The following PCDHGA10 variants were observed in gnomAD, a reference collection of about 807,000 sequenced individuals.
PCDHGA10 encodes protocadherin gamma-A10.
A neutral mutation model predicts 59.5 loss-of-function variants in PCDHGA10; 42 were observed. The ratio of observed to expected loss-of-function variants is 0.71; its 90% CI spans 0.55 to 0.91. The LOEUF (loss-of-function observed/expected upper bound fraction) is 0.91, where lower values mean the gene tolerates loss of function less well. Among genes scored for constraint, PCDHGA10 ranks in the 40% least tolerant of loss-of-function variants. The pLI is 0.00. For missense variants in PCDHGA10, 1,111 were observed against 1,198.2 expected (o/e 0.93, Z 1.07); for synonymous variants, 511 against 517.2 (o/e 0.99, Z 0.16).
chr5:141,497,892 C>T (rs2099780275), intron 2 of PCDHGA10, among the ~76,000 whole-genome samples: 1 of 152,138 alleles, frequency 6.6e-6, no homozygotes, highest in Admixed American at 6.6e-5. Flanking sequence ...AGGATCTAGT[C>T]CAGTAACTTC....
chr5:141,413,899 A>G lies in PCDHGA10; in HGVS notation c.724A>G (p.Asn242Asp). 2 of 1,613,286 alleles carry G rather than the reference A, an allele frequency of 1.2e-6. No homozygotes were observed. Among genetic ancestry groups the G allele is most frequent in the Non-Finnish European group, 1.7e-6 (2 of 1,179,874 alleles). The change falls in exon 1 of 4, where the codon AAC (asparagine) becomes GAC (aspartate). Residue 242 changes from asparagine (N) to aspartate (D), a missense_variant. Asn to Asp is a conservative substitution (Grantham distance 23, BLOSUM62 1). Coordinates refer to ENST00000398610, the MANE Select transcript of PCDHGA10 (RefSeq NM_018913.3). ...VSVTVFDANDNAPVFTLPEYR... is the reference protein window; with the variant it reads ...VSVTVFDANDDAPVFTLPEYR... ...TGTGACTGTCTTCGATGCAAATGAC[A>G]ACGCGCCGGTCTTCACCTTGCCAGA...
At chr5:141,456,306 G>C (rs937409031) in intron 1 of PCDHGA10, among the ~76,000 whole-genome samples, 1 of 152,158 alleles carries the variant, frequency 6.6e-6, no homozygotes, top group Non-Finnish European at 1.5e-5. Context: ...GAGAACAGCA[G>C]CTAGGGCTCC....
intron 1 of PCDHGA10, chr5:141,420,545 A>G: frequency 3.5e-6 from 1 of 289,066 alleles, no homozygotes; most frequent in Non-Finnish European, 6.2e-6. Flanking sequence ...TATAAAATAC[A>G]GGTATATTTT....
At chr5:141,437,104 T>C (rs539232057) in intron 1 of PCDHGA10, among the ~76,000 whole-genome samples, 1 of 152,338 alleles carries the variant, frequency 6.6e-6, no homozygotes, top group African/African-American at 2.4e-5. Flanking sequence ...GGCTTAGCTT[T>C]AGGATTTTTA....
intron 1 of PCDHGA10, among the ~76,000 whole-genome samples, chr5:141,444,162 T>A: frequency 8.4e-6 from 1 of 119,238 alleles, no homozygotes. Flanking sequence ...ATTTTTTTTT[T>A]TTTTTTTTTT....
Position 141,459,563 on chromosome 5 carries a change from C to T in PCDHGA10, c.2437-35244C>T, listed in dbSNP as rs1382676727. On this transcript the variant is annotated intron_variant, in intron 1 of 3. Coordinates refer to ENST00000398610, the MANE Select transcript of PCDHGA10 (RefSeq NM_018913.3). ...TTTTATTTCTCTTGGATAAATACCCCAAAACAGAATTGTTTTGGGGGTCAT... is the reference window on the plus strand; with the variant it reads ...TTTTATTTCTCTTGGATAAATACCCTAAAACAGAATTGTTTTGGGGGTCAT... Among the ~76,000 whole-genome samples, 21 of 152,044 alleles carry T rather than the reference C, an allele frequency of 1.4e-4. 1 individual carries two copies.
intron 1 of PCDHGA10, among the ~76,000 whole-genome samples, chr5:141,488,544 C>G (rs1225754325): frequency 6.6e-6 from 1 of 152,166 alleles, no homozygotes; most frequent in African/African-American, 2.4e-5. Flanking sequence ...AGTCCCATGT[C>G]AGCTGACATT....
In PCDHGA10 at chr5:141,413,649, C is replaced by G; in HGVS notation, c.474C>G (p.Leu158=). The G allele has an allele frequency of 6.2e-7, 1 of 1,613,836 alleles. No individual in the cohort carries two copies. Among genetic ancestry groups the G allele is most frequent in the South Asian group, 1.1e-5 (1 of 91,082 alleles). The change falls in exon 1 of 4, where the codon CTC becomes CTG. Residue 158 remains leucine (L), a synonymous_variant. Coordinates refer to ENST00000398610, the MANE Select transcript of PCDHGA10 (RefSeq NM_018913.3). ...ENVAAGMRFP[L]PEAIDPDVGV... ...TCGCTGCGGGAATGCGTTTTCCTCT[C>G]CCGGAAGCTATTGATCCGGATGTGG...
chr5:141,414,270 T>G lies in PCDHGA10; in HGVS notation c.1095T>G (p.Pro365=). 1 of 1,613,476 alleles carries G rather than the reference T, an allele frequency of 6.2e-7. No homozygotes were observed. The highest frequency in any genetic ancestry group is 8.5e-7 in the Non-Finnish European group (1 of 1,179,740). Residue 365 remains proline, a synonymous_variant, in exon 1 of 4, where the codon CCT becomes CCG. Coordinates refer to ENST00000398610, the MANE Select transcript of PCDHGA10 (RefSeq NM_018913.3). ...TTAGTCCAGTGACTGAAGATTCACCTCTGGGAACAGTCGTAGCCCTTTTAA... is the reference window on the plus strand; with the variant it reads ...TTAGTCCAGTGACTGAAGATTCACCGCTGGGAACAGTCGTAGCCCTTTTAA... ...SLFSPVTEDS[P]LGTVVALLNV...
chr5:141,422,997 C>G, intron 1 of PCDHGA10: 1 of 1,614,218 alleles, frequency 6.2e-7, no homozygotes, highest in South Asian at 1.1e-5. Flanking sequence ...ACCTGGTGAC[C>G]AAGGTGGTTG....
At chr5:141,448,984 A>C (rs2098621334) in intron 1 of PCDHGA10, among the ~76,000 whole-genome samples, 1 of 152,086 alleles carries the variant, frequency 6.6e-6, no homozygotes, top group Non-Finnish European at 1.5e-5. Context: ...CTTCCATATT[A>C]ATATATAGAA....
In PCDHGA10 at chr5:141,504,261, A is replaced by AT. The variant is rs144925096; in HGVS notation, c.2496-1125dup. Among the ~76,000 whole-genome samples the AT allele has an allele frequency of 3.8e-3, 573 of 152,258 alleles. 3 individuals are homozygous for AT. The highest frequency in any genetic ancestry group is 0.012 in the African/African-American group (514 of 41,556). ...CAGAGAGTTCTTCTTATGGTTTAGT[A>AT]TTTTTTTAAATTATGAATCATTTCA... On this transcript the variant is annotated intron_variant, in intron 2 of 3. Transcript: ENST00000398610.
chr5:141,485,239 C>T lies in PCDHGA10; in HGVS notation c.2437-9568C>T. ...GGGCTACCCTTTTGTTCCTCTTTTA[C>T]CACCTGGGTTACGTTTGTGGGCAGA... On this transcript the variant is annotated intron_variant, in intron 1 of 3. Transcript: ENST00000398610. This position sits in a 1 kb window ranked among gnomAD's most constrained non-coding sequence, Gnocchi z 5.7. The T allele has an allele frequency of 6.2e-7, 1 of 1,614,140 alleles. No homozygotes were observed. Among genetic ancestry groups the T allele is most frequent in the South Asian group, 1.1e-5 (1 of 91,072 alleles).
chr5:141,505,592 A>T, intron 3 of PCDHGA10, 111 bp downstream of exon 3: 2 of 1,567,266 alleles, frequency 1.3e-6, no homozygotes, highest in Admixed American at 3.6e-5. Flanking sequence ...GTTTCTCCAG[A>T]TCTTTCGGCA....
intron 1 of PCDHGA10, among the ~76,000 whole-genome samples, chr5:141,444,476 C>A (rs1228271706): frequency 6.6e-6 from 1 of 152,088 alleles, no homozygotes; most frequent in Non-Finnish European, 1.5e-5. Flanking sequence ...CGGTCGCGTA[C>A]TGGATTTATA....
At chr5:141,444,918 C>T (rs1197922745) in intron 1 of PCDHGA10, among the ~76,000 whole-genome samples, 1 of 152,106 alleles carries the variant, frequency 6.6e-6, no homozygotes, top group Non-Finnish European at 1.5e-5. Flanking sequence ...ATACCTTTAT[C>T]AGGGAAAGAG....
rs774780380 is a variant in PCDHGA10 at position 141,432,864 on chromosome 5, G to C, written c.2436+17253G>C. Reference sequence around the variant, plus strand: ...GTGGTAGCGGTGGCCGCGGTCTCCTGCGTCTTCCTGGCCTTCGTCATCTTG... The same window carrying C: ...GTGGTAGCGGTGGCCGCGGTCTCCTCCGTCTTCCTGGCCTTCGTCATCTTG... On this transcript the variant is annotated intron_variant, in intron 1 of 3. Coordinates refer to ENST00000398610, the MANE Select transcript of PCDHGA10 (RefSeq NM_018913.3). The surrounding 1 kb of genome is among the most constrained non-coding windows in gnomAD (Gnocchi z 6.0). 6.2e-7 allele frequency: 1 copy of C among 1,614,168 alleles called. No homozygotes were observed.
intron 1 of PCDHGA10, chr5:141,423,080 T>C: frequency 6.2e-7 from 1 of 1,614,050 alleles, no homozygotes; most frequent in East Asian, 2.2e-5. Flanking sequence ...CCGGGACTCT[T>C]CGCGGTGGGG....
At chr5:141,457,094 C>T (rs2098908295) in intron 1 of PCDHGA10, among the ~76,000 whole-genome samples, 1 of 152,154 alleles carries the variant, frequency 6.6e-6, no homozygotes, top group Non-Finnish European at 1.5e-5. Context: ...TATAAGGATA[C>T]TAATTAAGCA....
Sources: allele counts gnomAD v4.1 joint callset (sites outside exome capture counted in the v4.1 genomes callset), GRCh38; gene constraint gnomAD v4.1.1; non-coding constraint Gnocchi (gnomAD v3.1); transcripts MANE v1.5; gene names NCBI Gene and HGNC (gene_info 2026-07-23, HGNC 2026-07-21).